The following ASRGL1 variants were observed in gnomAD, a reference collection of about 807,000 sequenced individuals.
The protein encoded by ASRGL1 is asparaginase and isoaspartyl peptidase 1, also known as isoaspartyl peptidase/L-asparaginase.
In ASRGL1, 16 loss-of-function variants were observed where a neutral mutation model predicts 22.4. The ratio of observed to expected loss-of-function variants is 0.71; its 90% CI spans 0.48 to 1.08. The LOEUF (loss-of-function observed/expected upper bound fraction) is 1.08, where lower values mean the gene tolerates loss of function less well. Among genes scored for constraint, ASRGL1 ranks in the 50% least tolerant of loss-of-function variants. The pLI is 0.00. For missense variants in ASRGL1, 412 were observed against 410.1 expected, an observed-to-expected ratio of 1.00 and a Z score of -0.04; for synonymous variants, 165 against 159.3, an observed-to-expected ratio of 1.04 and a Z score of -0.27.
intron 5 of ASRGL1, chr11:62,389,650 C>G (rs1378918744): frequency 2.9e-6 from 1 of 342,824 alleles, no homozygotes; most frequent in Non-Finnish European, 5.7e-6. Context: ...AAATCTGAGA[C>G]TGCAGTTGTT....
intron 4 of ASRGL1, among the ~76,000 whole-genome samples, chr11:62,380,295 G>A (rs1019522158): frequency 6.6e-6 from 1 of 152,000 alleles, no homozygotes; most frequent in Non-Finnish European, 1.5e-5. Flanking sequence ...GACCTTACGG[G>A]CATTTTCATC....
At chr11:62,395,017 T>C (rs546370076), downstream of ASRGL1, among the ~76,000 whole-genome samples, 1 of 152,148 alleles carries the variant, frequency 6.6e-6, no homozygotes, top group South Asian at 2.1e-4. Flanking sequence ...AACTATAAAC[T>C]ATCCATGGCT....
chr11:62,356,849 A>G, intron 3 of ASRGL1, 138 bp from the exon 4 acceptor site: 1 of 1,148,350 alleles, frequency 8.7e-7, no homozygotes, highest in Non-Finnish European at 1.2e-6. Context: ...TTCAGCATAC[A>G]GAAAAGCAAA....
chr11:62,400,013 C>T, the ASRGL1 span, among the ~76,000 whole-genome samples: 2 of 152,196 alleles, frequency 1.3e-5, no homozygotes, highest in Non-Finnish European at 2.9e-5. Flanking sequence ...CACAGCCCCT[C>T]CCAGAAGCGC....
intron 5 of ASRGL1, among the ~76,000 whole-genome samples, chr11:62,390,299 G>A (rs541443887): frequency 2.0e-5 from 3 of 152,376 alleles, no homozygotes; most frequent in South Asian, 2.1e-4. Context: ...CTGTCCAGCT[G>A]TGAGCACCAG....
rs572107931 is a variant in ASRGL1 at position 62,371,524 on chromosome 11, T to G, written c.491+14380T>G. 1.2e-4 allele frequency: 86 copies of G among 699,862 alleles called. 2 individuals are homozygous for G. The highest frequency in any genetic ancestry group is 1.2e-3 in the South Asian group (84 of 69,710). The allele number at this position is 699,862 out of a possible 1,614,324, so 43.4% of individuals were successfully genotyped here. ...TTGAAGGCAGTATGCTTGGTAAAAG[T>G]CATCACCATTCTCTAATCTCAAGTA... is the stretch of plus-strand genomic sequence containing the variant. On this transcript the variant is annotated intron_variant, in intron 4 of 6. Coordinates refer to ENST00000415229, the MANE Select transcript of ASRGL1 (RefSeq NM_001083926.2).
chr11:62,384,230 C>A (rs139932887), intron 4 of ASRGL1, among the ~76,000 whole-genome samples: 10 of 152,116 alleles, frequency 6.6e-5, no homozygotes, highest in African/African-American at 2.4e-4. Context: ...AAAGTCCGGG[C>A]GCAGTGGCTC....
At chr11:62,356,893 CAG>C in intron 3 of ASRGL1, 92 bp from the exon 4 acceptor site, 2 of 1,388,238 alleles carry the variant, frequency 1.4e-6, no homozygotes. Context: ...CCTTTGCACC[CAG>C]AGAGAAGTAA....
intron 2 of ASRGL1, among the ~76,000 whole-genome samples, chr11:62,347,643 G>T (rs944984397): frequency 6.6e-6 from 1 of 151,740 alleles, no homozygotes; most frequent in Non-Finnish European, 1.5e-5. Context: ...AAAAAACCGT[G>T]TAAGACTGCC....
intron 2 of ASRGL1, among the ~76,000 whole-genome samples, chr11:62,344,466 A>G (rs1295191492): frequency 6.6e-6 from 1 of 152,028 alleles, no homozygotes. Flanking sequence ...TTTGTGTTGT[A>G]TCTTAATATT....
chr11:62,385,370 C>T (rs1055120093), intron 4 of ASRGL1, among the ~76,000 whole-genome samples: 15 of 151,884 alleles, frequency 9.9e-5, no homozygotes, highest in Non-Finnish European at 1.8e-4. Context: ...TGGGATTTCT[C>T]TATGTTGCTC....
At chr11:62,362,526 T>A (rs1347795941) in intron 4 of ASRGL1, among the ~76,000 whole-genome samples, 1 of 81,500 alleles carries the variant, frequency 1.2e-5, no homozygotes, top group African/African-American at 4.9e-5. Context: ...ATTATTTATA[T>A]AATATATATT....
At chr11:62,380,682 T>C (rs1458366524) in intron 4 of ASRGL1, among the ~76,000 whole-genome samples, 1 of 152,170 alleles carries the variant, frequency 6.6e-6, no homozygotes, top group Non-Finnish European at 1.5e-5. Flanking sequence ...TGAGTCTATG[T>C]CCATGAGCAG....
At chr11:62,350,713 T>G (rs1266749013) in intron 2 of ASRGL1, among the ~76,000 whole-genome samples, 1 of 152,168 alleles carries the variant, frequency 6.6e-6, no homozygotes, top group Admixed American at 6.5e-5. Flanking sequence ...GGAGAATTGC[T>G]TGAACCCATG....
rs1424482606 is a variant in ASRGL1, at chr11:62,337,591, C to G, written c.-89+17C>G. The G allele has an allele frequency of 6.0e-6, 1 of 167,024 alleles. No homozygotes were observed. The highest frequency in any genetic ancestry group is 1.3e-5 in the Non-Finnish European group (1 of 77,102). 10.3% of individuals were successfully genotyped at this position (167,024 alleles called of 1,614,324 possible). A position where few individuals can be genotyped will look rare whatever the true frequency, so the allele number is the denominator to read the frequency against. On this transcript the variant is annotated intron_variant, in intron 1 of 6. Coordinates refer to ENST00000415229, the MANE Select transcript of ASRGL1 (RefSeq NM_001083926.2). ...GTGCCCTGGGTAAGTCGGCGGCCCT[C>G]CCGGAGCAGCCGCCCGAGACGCGGG...
At chr11:62,397,542 TA>T (rs1274920226), downstream of ASRGL1, among the ~76,000 whole-genome samples, 1 of 151,506 alleles carries the variant, frequency 6.6e-6, no homozygotes, top group Non-Finnish European at 1.5e-5. Context: ...TGCATGCCTG[TA>T]ATCGCAGCTA....
chr11:62,400,347 C>T, the ASRGL1 span, among the ~76,000 whole-genome samples: 3 of 152,214 alleles, frequency 2.0e-5, no homozygotes, highest in Non-Finnish European at 2.9e-5. Flanking sequence ...CATAAGCCGT[C>T]GGTAAATGTT....
At chr11:62,400,076 C>T in the ASRGL1 span, among the ~76,000 whole-genome samples, 1,383 of 152,312 alleles carry the variant, frequency 9.1e-3, 26 homozygotes, top group African/African-American at 0.032. Flanking sequence ...AGGGATTCCT[C>T]CTGCTGCCTG....
chr11:62,393,622 G>A (rs1008394580), downstream of ASRGL1, among the ~76,000 whole-genome samples: 15 of 152,118 alleles, frequency 9.9e-5, no homozygotes, highest in African/African-American at 3.6e-4. Context: ...GGTTTATGGC[G>A]CAGTCTTCCT....
Sources: gnomAD v4.1 joint callset for allele counts (sites outside exome capture counted in the v4.1 genomes callset) on GRCh38, gnomAD v4.1.1 for gene constraint, MANE v1.5 for transcripts, NCBI Gene and HGNC (gene_info 2026-07-23, HGNC 2026-07-21) for gene names.